WWOX: variants seen among roughly 807,000 people sequenced by gnomAD.
WWOX encodes the protein WW domain-containing oxidoreductase.
In WWOX, 69 loss-of-function variants were observed where a neutral mutation model predicts 46.2. That is an observed-to-expected ratio of 1.49 (90% CI 1.23 to 1.82). The LOEUF (loss-of-function observed/expected upper bound fraction) is 1.82, where lower values mean the gene tolerates loss of function less well. Ranked by LOEUF, WWOX falls within the 40% of genes most tolerant of loss-of-function variation. The probability of loss-of-function intolerance (pLI) is 0.00; values close to 1 mark genes in which losing one functional copy is unlikely to be tolerated. For synonymous variants in WWOX, 359 were observed against 202.6 expected (o/e 1.77, Z -6.56); for missense variants, 919 against 542.6 (o/e 1.69, Z -6.89).
At chr16:78,689,962 A>G (rs1238851797) in intron 8 of WWOX, among the ~76,000 whole-genome samples, 3 of 152,024 alleles carry the variant, frequency 2.0e-5, no homozygotes, top group Non-Finnish European at 4.4e-5. Context: ...GCAGGCTCAA[A>G]TGATTCTCCT....
chr16:78,661,345 A>G (rs2047207388), intron 8 of WWOX, among the ~76,000 whole-genome samples: 1 of 152,182 alleles, frequency 6.6e-6, no homozygotes, highest in African/African-American at 2.4e-5. Flanking sequence ...TTGTATCGTA[A>G]GGTTCTTCTG....
intron 8 of WWOX, among the ~76,000 whole-genome samples, chr16:78,884,634 T>G (rs968824360): frequency 2.0e-5 from 3 of 152,160 alleles, no homozygotes; most frequent in African/African-American, 4.8e-5. Context: ...ATGAGTTGAC[T>G]AAAAAGCAAA....
intron 8 of WWOX, among the ~76,000 whole-genome samples, chr16:78,884,476 G>T (rs922541671): frequency 1.3e-5 from 2 of 152,010 alleles, no homozygotes; most frequent in African/African-American, 4.8e-5. Context: ...TAAATAAGTT[G>T]TAATAAATCC....
intron 5 of WWOX, among the ~76,000 whole-genome samples, chr16:78,289,840 G>A (rs2079830700): frequency 6.6e-6 from 1 of 151,416 alleles, no homozygotes; most frequent in African/African-American, 2.4e-5. Context: ...CTTGATAGGT[G>A]TTTTTGTAAA....
intron 8 of WWOX, among the ~76,000 whole-genome samples, chr16:78,699,736 T>C (rs886414298): frequency 1.3e-5 from 2 of 152,216 alleles, no homozygotes; most frequent in African/African-American, 4.8e-5. Context: ...TAATTGAGGT[T>C]TGCCTTTTTT....
intron 8 of WWOX, among the ~76,000 whole-genome samples, chr16:79,070,887 A>G (rs2048537346): frequency 6.6e-6 from 1 of 152,168 alleles, no homozygotes; most frequent in Admixed American, 6.5e-5. Context: ...CTCCACAGAA[A>G]CTTTTTGAAG....
chr16:79,020,237 T>C (rs1427277283), intron 8 of WWOX, among the ~76,000 whole-genome samples: 1 of 152,220 alleles, frequency 6.6e-6, no homozygotes, highest in Non-Finnish European at 1.5e-5. Flanking sequence ...ATAAGGATGC[T>C]GCAAGGCGCA....
chr16:78,461,090 A>T (rs780191813), intron 8 of WWOX, among the ~76,000 whole-genome samples: 5 of 152,200 alleles, frequency 3.3e-5, no homozygotes, highest in African/African-American at 1.2e-4. Context: ...TGGAAGCTTG[A>T]TGCCATAACA....
chr16:78,343,702 C>T (rs971309161), intron 5 of WWOX, among the ~76,000 whole-genome samples: 4 of 120,962 alleles, frequency 3.3e-5, no homozygotes, highest in Admixed American at 1.6e-4. Flanking sequence ...GATATGCACC[C>T]GGCTAGGGAC....
chr16:78,452,836 C>T lies in WWOX; in HGVS notation c.1056+20084C>T, dbSNP rs78980355. 1.6e-4 allele frequency among the ~76,000 whole-genome samples: 23 copies of T among 144,440 alleles called. No homozygotes were observed. The East Asian group carries it at 4.6e-3, about 29-fold the overall frequency. 94.8% of individuals were successfully genotyped at this position (144,440 alleles called of 152,430 possible). On this transcript the variant is annotated intron_variant, in intron 8 of 8. Coordinates refer to ENST00000566780, the MANE Select transcript of WWOX (RefSeq NM_016373.4). ...TCTGTTTTTCTACATTCCGTTTCCC[C>T]TATGGCTGCTATTGTTTTCCAGTGA... is the stretch of plus-strand genomic sequence containing the variant.
Position 78,637,607 on chromosome 16 carries a change from A to C in WWOX, c.1056+204855A>C, listed in dbSNP as rs1314085040. 2.0e-5 allele frequency among the ~76,000 whole-genome samples: 3 copies of C among 152,262 alleles called. No homozygotes were observed. The East Asian group carries it at 5.8e-4, about 29-fold the overall frequency. On this transcript the variant is annotated intron_variant, in intron 8 of 8. Transcript: ENST00000566780. ...TCCCCTTTCCTTACTCACTGACATC[A>C]TTCCCAGATCAAAGAAAGATAAAAG...
intron 8 of WWOX, among the ~76,000 whole-genome samples, chr16:78,785,831 T>G (rs781652251): frequency 6.6e-6 from 1 of 152,230 alleles, no homozygotes; most frequent in Non-Finnish European, 1.5e-5. Context: ...AAATATTTCT[T>G]CAATTTTTTT....
At chr16:78,743,091 A>G (rs569928959) in intron 8 of WWOX, among the ~76,000 whole-genome samples, 10 of 152,150 alleles carry the variant, frequency 6.6e-5, no homozygotes, top group African/African-American at 2.2e-4. Flanking sequence ...CCCCCGAAGG[A>G]AACATCCGTC....
At chr16:78,418,471 C>G (rs1405356807) in intron 6 of WWOX, among the ~76,000 whole-genome samples, 2 of 151,972 alleles carry the variant, frequency 1.3e-5, no homozygotes, top group East Asian at 3.9e-4. Context: ...CACTATTACT[C>G]TGACAACAGA....
intron 8 of WWOX, among the ~76,000 whole-genome samples, chr16:78,936,455 T>A (rs1169824152): frequency 6.6e-6 from 1 of 152,132 alleles, no homozygotes; most frequent in East Asian, 1.9e-4. Context: ...TAGGCTTAGC[T>A]ACTCAGTGAA....
chr16:78,646,559 C>G (rs528100569), intron 8 of WWOX, among the ~76,000 whole-genome samples: 4 of 152,044 alleles, frequency 2.6e-5, no homozygotes, highest in African/African-American at 7.2e-5. Context: ...TCTCTGGTAG[C>G]TGGAATTACA....
chr16:79,134,869 G>A (rs1456523973), intron 8 of WWOX, among the ~76,000 whole-genome samples: 2 of 152,190 alleles, frequency 1.3e-5, no homozygotes, highest in Non-Finnish European at 2.9e-5. Flanking sequence ...AAAGGAGAAA[G>A]CAACTGCATT....
At chr16:79,160,021 C>A (rs2050454645) in intron 8 of WWOX, among the ~76,000 whole-genome samples, 1 of 152,330 alleles carries the variant, frequency 6.6e-6, no homozygotes, top group South Asian at 2.1e-4. Context: ...TTTCTGACTG[C>A]AAAATTCCTG....
chr16:78,930,167 G>C (rs2045587342), intron 8 of WWOX, among the ~76,000 whole-genome samples: 1 of 151,462 alleles, frequency 6.6e-6, no homozygotes, highest in Non-Finnish European at 1.5e-5. Flanking sequence ...GAGGAACTTG[G>C]GTCCTGAAAA....
Sources: allele counts gnomAD v4.1 joint callset (sites outside exome capture counted in the v4.1 genomes callset), GRCh38; gene constraint gnomAD v4.1.1; transcripts MANE v1.5; gene names NCBI Gene and HGNC (gene_info 2026-07-23, HGNC 2026-07-21).